FRMPD4: variants seen among roughly 807,000 people sequenced by gnomAD.
FRMPD4 encodes the protein FERM and PDZ domain-containing protein 4.
In FRMPD4, 22 loss-of-function variants were observed where a neutral mutation model predicts 94.1. The ratio of observed to expected loss-of-function variants is 0.23; its 90% CI spans 0.17 to 0.33. The LOEUF is 0.33. Ranked by LOEUF, FRMPD4 falls within the 10% of genes least tolerant of loss-of-function variation. The pLI is 1.00. For missense variants in FRMPD4, 1,111 were observed against 1,339.9 expected, an observed-to-expected ratio of 0.83 and a Z score of 2.67; for synonymous variants, 631 against 548.6, an observed-to-expected ratio of 1.15 and a Z score of -2.10.
intron 1 of FRMPD4, among the ~76,000 whole-genome samples, chrX:12,271,446 C>T (rs1258853584): frequency 1.8e-5 from 2 of 111,789 alleles, no homozygotes; most frequent in Non-Finnish European, 3.8e-5. Flanking sequence ...TTGACTGTTT[C>T]GAACTTTGGC....
At chrX:12,272,487 G>T (rs180886472) in intron 1 of FRMPD4, among the ~76,000 whole-genome samples, 2 of 111,502 alleles carry the variant, frequency 1.8e-5, no homozygotes, top group Non-Finnish European at 3.8e-5. Flanking sequence ...AAAGAGTAGA[G>T]GTTGTTGATA....
At chrX:12,639,335 T>C (rs1303805971) in intron 4 of FRMPD4, among the ~76,000 whole-genome samples, 1 of 112,469 alleles carries the variant, frequency 8.9e-6, no homozygotes, top group East Asian at 2.8e-4. Flanking sequence ...TTAATTTGAC[T>C]AATTAAACTT....
At chrX:12,601,866 G>T (rs1351999330) in intron 2 of FRMPD4, among the ~76,000 whole-genome samples, 1 of 111,237 alleles carries the variant, frequency 9.0e-6, no homozygotes, top group African/African-American at 3.3e-5. Flanking sequence ...TGCTTCTCCT[G>T]AAGTTGCTGC....
chrX:12,367,012 C>CA (rs2056093123), intron 1 of FRMPD4, among the ~76,000 whole-genome samples: 1 of 111,582 alleles, frequency 9.0e-6, no homozygotes, highest in African/African-American at 3.3e-5. Context: ...GGCAGGCACA[C>CA]AGACTCTGCA....
chrX:12,690,110 A>T, intron 7 of FRMPD4, 85 bp from the exon 8 acceptor site: 5 of 691,126 alleles, frequency 7.2e-6, no homozygotes, highest in Non-Finnish European at 8.5e-6. Flanking sequence ...GGCAGCCTAC[A>T]TGTGTAACAC....
chrX:12,630,008 C>T, intron 4 of FRMPD4, among the ~76,000 whole-genome samples: 1 of 112,717 alleles, frequency 8.9e-6, no homozygotes, highest in East Asian at 2.8e-4. Flanking sequence ...CTAGACTCAG[C>T]CTTGCGGCAC....
chrX:12,164,237 C>T (rs1267683230), intron 1 of FRMPD4, among the ~76,000 whole-genome samples: 2 of 110,678 alleles, frequency 1.8e-5, no homozygotes, highest in African/African-American at 6.6e-5. Flanking sequence ...TGAGGTTCCC[C>T]TTCCTGTGTC....
At chrX:12,176,490 A>G in intron 1 of FRMPD4, among the ~76,000 whole-genome samples, 1 of 112,133 alleles carries the variant, frequency 8.9e-6, no homozygotes, top group Non-Finnish European at 1.9e-5. Context: ...TTGCGTAAAT[A>G]TAAGACTAAA....
chrX:12,600,271 T>C (rs1296982687), intron 2 of FRMPD4, among the ~76,000 whole-genome samples: 3 of 110,785 alleles, frequency 2.7e-5, no homozygotes, highest in Non-Finnish European at 5.7e-5. Flanking sequence ...GTCTGGAAAG[T>C]TTCCATCTCC....
intron 1 of FRMPD4, among the ~76,000 whole-genome samples, chrX:12,190,466 C>T (rs1292749873): frequency 3.6e-5 from 4 of 110,396 alleles, no homozygotes; most frequent in African/African-American, 1.3e-4. Context: ...AGATGACTGA[C>T]ACTACCCAAC....
chrX:12,177,647 C>T (rs1222988641), intron 1 of FRMPD4, among the ~76,000 whole-genome samples: 1 of 112,286 alleles, frequency 8.9e-6, no homozygotes, highest in African/African-American at 3.2e-5. Flanking sequence ...AGGCATCAAT[C>T]TCATCTGTGC....
chrX:12,519,144 C>T (rs764917692), intron 2 of FRMPD4, among the ~76,000 whole-genome samples: 1 of 112,257 alleles, frequency 8.9e-6, no homozygotes, highest in African/African-American at 3.2e-5. Context: ...AAATTCAACA[C>T]AATTCCTGTA....
intron 3 of FRMPD4, among the ~76,000 whole-genome samples, chrX:12,091,641 G>A (rs2055154274): frequency 9.0e-6 from 1 of 111,354 alleles, no homozygotes; most frequent in African/African-American, 3.3e-5. Context: ...TTCTCATTCT[G>A]GGGTGATTGT....
chrX:12,389,557 TG>T (rs931470823), intron 1 of FRMPD4, among the ~76,000 whole-genome samples: 18 of 111,014 alleles, frequency 1.6e-4, no homozygotes, highest in African/African-American at 5.2e-4. Context: ...TTTAAGGTAA[TG>T]GATATGTTAA....
rs2060195524 is a variant in FRMPD4 at position 12,701,945 on chromosome X, A to C, written c.1005A>C (p.Ala335=). 2 of 1,210,054 alleles carry C rather than the reference A, an allele frequency of 1.7e-6. No homozygotes were observed. The highest frequency in any genetic ancestry group is 1.8e-5 in the South Asian group (1 of 57,029). ...LKYDIALRLA[A]LQMYIATVTT... is the part of the protein sequence containing the mutation. ...ATGACATAGCCCTGCGGCTGGCCGC[A>C]TTACAAATGTACATTGCAACCGTTA... The change falls in exon 10 of 17, where the codon GCA becomes GCC. Residue 335 remains alanine (A), a synonymous_variant. Transcript: ENST00000675598.
chrX:11,867,960 G>A (rs2053731193), intron 2 of FRMPD4, among the ~76,000 whole-genome samples: 1 of 112,092 alleles, frequency 8.9e-6, no homozygotes, highest in Admixed American at 9.5e-5. Context: ...CCTACTCACT[G>A]CATTTTATGT....
chrX:12,658,178 T>A (rs185351376), intron 4 of FRMPD4, among the ~76,000 whole-genome samples: 170 of 112,167 alleles, frequency 1.5e-3, no homozygotes, highest in African/African-American at 5.4e-3. Flanking sequence ...GTAATTGTAT[T>A]ATTTAAAGTC....
intron 1 of FRMPD4, among the ~76,000 whole-genome samples, chrX:12,416,222 TTTTC>T (rs900952565): frequency 4.5e-5 from 5 of 110,080 alleles, no homozygotes; most frequent in Admixed American, 9.7e-5. Context: ...CTTCCTTCTT[TTTTC>T]TTTCTTTCTT....
intron 3 of FRMPD4, among the ~76,000 whole-genome samples, chrX:12,096,826 G>A (rs1389448811): frequency 2.7e-5 from 3 of 111,523 alleles, no homozygotes; most frequent in African/African-American, 6.5e-5. Flanking sequence ...ATTCAAGGCT[G>A]CAGTGAACTA....
Sources: allele counts gnomAD v4.1 joint callset (sites outside exome capture counted in the v4.1 genomes callset), GRCh38; gene constraint gnomAD v4.1.1; transcripts MANE v1.5; gene names NCBI Gene and HGNC (gene_info 2026-07-23, HGNC 2026-07-21).